Variants in CALD1 observed in about 807,000 individuals in gnomAD.
CALD1 encodes the protein caldesmon 1.
Under a neutral mutation model 99.9 loss-of-function variants are expected in CALD1, and 33 were observed. That is an observed-to-expected ratio of 0.33 (90% CI 0.25 to 0.44). The LOEUF (loss-of-function observed/expected upper bound fraction) is 0.44, where lower values mean the gene tolerates loss of function less well. Among genes scored for constraint, CALD1 ranks in the 20% least tolerant of loss-of-function variants. The pLI is 1.00. For missense variants in CALD1, 861 were observed against 962.1 expected, an observed-to-expected ratio of 0.89 and a Z score of 1.39; for synonymous variants, 310 against 325.0, an observed-to-expected ratio of 0.95 and a Z score of 0.50.
At chr7:134,881,447 C>A (rs1019902837) in intron 3 of CALD1, among the ~76,000 whole-genome samples, 5 of 152,174 alleles carry the variant, frequency 3.3e-5, no homozygotes, top group African/African-American at 1.2e-4. Context: ...CAGATCAGGG[C>A]TTCCTTATCT....
At chr7:134,798,426 C>A (rs1304942154) in intron 1 of CALD1, among the ~76,000 whole-genome samples, 7 of 152,216 alleles carry the variant, frequency 4.6e-5, no homozygotes, top group African/African-American at 1.7e-4. Context: ...TCCAGCATCA[C>A]ACCCCCTCCC....
chr7:134,907,166 C>T (rs762314166), intron 3 of CALD1, among the ~76,000 whole-genome samples: 15 of 152,088 alleles, frequency 9.9e-5, no homozygotes, highest in Admixed American at 5.2e-4. Flanking sequence ...CAGCTTACCA[C>T]GAAACAGGAT....
At chr7:134,951,839 T>G (rs1413670579) in intron 9 of CALD1, among the ~76,000 whole-genome samples, 1 of 152,250 alleles carries the variant, frequency 6.6e-6, no homozygotes, top group Non-Finnish European at 1.5e-5. Context: ...TTAACATCAT[T>G]GAGCATCTAG....
At chr7:134,901,192 G>A (rs1450003961) in intron 3 of CALD1, among the ~76,000 whole-genome samples, 2 of 150,244 alleles carry the variant, frequency 1.3e-5, no homozygotes, top group African/African-American at 4.9e-5. Flanking sequence ...GCCAGCAGAT[G>A]CCATCAATCT....
rs1808281312 is a variant in CALD1 at position 134,961,765 on chromosome 7, C to CG, written c.2295+1140dup. On this transcript the variant is annotated intron_variant, in intron 13 of 14. Transcript: ENST00000361675. ...CCCCCTCTCAATAGGTACAAGAATG[C>CG]GGGTTTATAAAAGGACACAGTTGAG... 5 of 152,116 alleles carry CG rather than the reference C, an allele frequency of 3.3e-5. No individual in the cohort carries two copies. In the South Asian group the frequency reaches 1.0e-3, roughly 32 times the overall value. The allele number at this position is 152,116 out of a possible 1,614,324, so 9.4% of individuals were successfully genotyped here.
At chr7:134,829,433 T>C (rs945068340) in intron 1 of CALD1, among the ~76,000 whole-genome samples, 1 of 152,194 alleles carries the variant, frequency 6.6e-6, no homozygotes, top group Non-Finnish European at 1.5e-5. Flanking sequence ...TATTCCAACT[T>C]TGACTTTGTG....
intron 3 of CALD1, among the ~76,000 whole-genome samples, chr7:134,891,855 T>C (rs958148624): frequency 6.6e-6 from 1 of 151,736 alleles, no homozygotes; most frequent in Non-Finnish European, 1.5e-5. Flanking sequence ...TGAAACTTTC[T>C]GGTTTCCACT....
chr7:134,754,882 A>C (rs1161418313), intron 1 of CALD1, among the ~76,000 whole-genome samples: 5 of 152,246 alleles, frequency 3.3e-5, no homozygotes, highest in African/African-American at 1.2e-4. Flanking sequence ...ATTGTTAGAC[A>C]ATAGGGTAGA....
At chr7:134,776,083 AATAAAGACCTTT>A (rs1463760431), upstream of CALD1, among the ~76,000 whole-genome samples, 1 of 152,160 alleles carries the variant, frequency 6.6e-6, no homozygotes, top group Non-Finnish European at 1.5e-5. Flanking sequence ...TTGTATAGCA[AATAAAGACCTTT>A]ATTTCTCTTT....
intron 1 of CALD1, among the ~76,000 whole-genome samples, chr7:134,782,516 A>G (rs1562998046): frequency 6.6e-6 from 1 of 152,216 alleles, no homozygotes; most frequent in Non-Finnish European, 1.5e-5. Flanking sequence ...GGCTTAACTT[A>G]TGAGAACCAC....
chr7:134,911,044 A>G (rs1319790285), intron 3 of CALD1, among the ~76,000 whole-genome samples: 1 of 152,178 alleles, frequency 6.6e-6, no homozygotes, highest in East Asian at 1.9e-4. Flanking sequence ...AAAGAAGTGC[A>G]AAGTGTTGGG....
chr7:134,760,890 G>A (rs761823063), intron 1 of CALD1, among the ~76,000 whole-genome samples: 10 of 151,938 alleles, frequency 6.6e-5, no homozygotes, highest in South Asian at 2.1e-4. Context: ...GTATATGTGC[G>A]GAATTATTAT....
intron 1 of CALD1, among the ~76,000 whole-genome samples, chr7:134,784,482 T>C (rs781433584): frequency 3.6e-4 from 55 of 152,156 alleles, no homozygotes; most frequent in Non-Finnish European, 6.3e-4. Context: ...TGGATATCAG[T>C]TACAAAAATG....
intron 3 of CALD1, among the ~76,000 whole-genome samples, chr7:134,872,862 C>A (rs1213025601): frequency 6.6e-6 from 1 of 152,098 alleles, no homozygotes; most frequent in Admixed American, 6.6e-5. Flanking sequence ...TTATTCTCCA[C>A]CAATCTCAGG....
chr7:134,806,065 A>T (rs1484159230), intron 1 of CALD1, among the ~76,000 whole-genome samples: 1 of 152,182 alleles, frequency 6.6e-6, no homozygotes, highest in Non-Finnish European at 1.5e-5. Context: ...CCGGCCCCAA[A>T]GAAGATTTTC....
intron 1 of CALD1, among the ~76,000 whole-genome samples, chr7:134,841,336 G>T (rs1799639882): frequency 6.6e-6 from 1 of 152,130 alleles, no homozygotes; most frequent in Non-Finnish European, 1.5e-5. Flanking sequence ...AATTAATAAT[G>T]TGTTATTATT....
chr7:134,863,415 A>G (rs947309418), intron 2 of CALD1, among the ~76,000 whole-genome samples: 2 of 152,248 alleles, frequency 1.3e-5, no homozygotes, highest in Admixed American at 6.5e-5. Flanking sequence ...CTGCCCAAAA[A>G]GTAGATAAGA....
intron 7 of CALD1, among the ~76,000 whole-genome samples, chr7:134,947,019 A>G (rs1806935166): frequency 6.6e-6 from 1 of 152,166 alleles, no homozygotes; most frequent in African/African-American, 2.4e-5. Context: ...ATAATATTCC[A>G]TGGTATGGCT....
At chr7:134,714,301 A>G in the CALD1 span, among the ~76,000 whole-genome samples, 1 of 152,186 alleles carries the variant, frequency 6.6e-6, no homozygotes, top group African/African-American at 2.4e-5. Flanking sequence ...GTTCCAGCCC[A>G]ACTGCATGGT....
Sources: allele counts gnomAD v4.1 joint callset (sites outside exome capture counted in the v4.1 genomes callset), GRCh38; gene constraint gnomAD v4.1.1; transcripts MANE v1.5; gene names NCBI Gene and HGNC (gene_info 2026-07-23, HGNC 2026-07-21).